The following RORA variants were observed in gnomAD, a reference collection of about 807,000 sequenced individuals.
RORA encodes nuclear receptor ROR-alpha.
A neutral mutation model predicts 69.5 loss-of-function variants in RORA; 7 were observed. That is an observed-to-expected ratio of 0.10 (90% CI 0.06 to 0.19). The LOEUF is 0.19. Ranked by LOEUF, RORA falls within the 10% of genes least tolerant of loss-of-function variation. The pLI, the probability that RORA is intolerant of heterozygous loss-of-function variation, is 1.00. For missense variants in RORA, 457 were observed against 663.0 expected (o/e 0.69, Z 3.41); for synonymous variants, 261 against 240.8 (o/e 1.08, Z -0.78).
In RORA at chr15:60,810,273, T is replaced by C. The variant is rs564963244; in HGVS notation, c.167-131587A>G. ...CTGGAAACAATTTTCCTTTGGGACT[T>C]TGAAAACCTTGCTTCATCACCCTCT... On this transcript the variant is annotated intron_variant, in intron 1 of 10. Transcript: ENST00000335670. 5.3e-5 allele frequency among the ~76,000 whole-genome samples: 8 copies of C among 152,334 alleles called. No individual in the cohort carries two copies. In the South Asian group the frequency reaches 1.7e-3, roughly 32 times the overall value.
At chr15:60,946,302 C>G (rs1290075463) in intron 1 of RORA, among the ~76,000 whole-genome samples, 1 of 152,206 alleles carries the variant, frequency 6.6e-6, no homozygotes, top group Non-Finnish European at 1.5e-5. Flanking sequence ...TTTCCAGGGT[C>G]TCCCTCTGAT....
chr15:61,128,914 G>A lies in RORA; in HGVS notation c.166+100139C>T, dbSNP rs952567999. ...TGGGACCCAAGAAGAGACACTGGCC[G>A]TGGCACCACGTGCCTGCCTTGGGCC... On this transcript the variant is annotated intron_variant, in intron 1 of 10. Coordinates refer to ENST00000335670, the MANE Select transcript of RORA (RefSeq NM_134261.3). This position sits in a 1 kb window ranked among gnomAD's most constrained non-coding sequence, Gnocchi z 4.5. Among the ~76,000 whole-genome samples, 3 of 152,216 alleles carry A rather than the reference G, an allele frequency of 2.0e-5. No homozygotes were observed. Among genetic ancestry groups the A allele is most frequent in the Non-Finnish European group, 4.4e-5 (3 of 68,040 alleles).
intron 1 of RORA, among the ~76,000 whole-genome samples, chr15:60,685,466 T>A (rs949161979): frequency 6.6e-6 from 1 of 152,230 alleles, no homozygotes; most frequent in South Asian, 2.1e-4. Context: ...GCTGGCCTTA[T>A]GTCCCCCTCC....
At position 60,950,336 on chromosome 15, in the gene RORA, G is replaced by T. The variant is rs1893049962; in HGVS notation, c.167-271650C>A. 2.2e-5 allele frequency among the ~76,000 whole-genome samples: 3 copies of T among 134,378 alleles called. No homozygotes were observed. In the South Asian group the frequency reaches 8.8e-4, roughly 39 times the overall value. 88.2% of individuals were successfully genotyped at this position (134,378 alleles called of 152,430 possible). The stretch of plus-strand genomic sequence containing the variant: ...CCGGTACCAGCCGCTGCAAAATCAT[G>T]CCAAAATGTAAAGACCATCGAGACT... On this transcript the variant is annotated intron_variant, in intron 1 of 10. Coordinates refer to ENST00000335670, the MANE Select transcript of RORA (RefSeq NM_134261.3).
At chr15:60,843,984 C>T (rs373038237) in intron 1 of RORA, among the ~76,000 whole-genome samples, 3 of 152,174 alleles carry the variant, frequency 2.0e-5, no homozygotes, top group South Asian at 2.1e-4. Context: ...CACACTTTCA[C>T]ATCTTCATTT....
chr15:60,584,346 T>C (rs548010597), intron 2 of RORA, among the ~76,000 whole-genome samples: 1 of 152,384 alleles, frequency 6.6e-6, no homozygotes, highest in Admixed American at 6.5e-5. Context: ...AAGCAAATCA[T>C]GTTCATCCAT....
intron 1 of RORA, among the ~76,000 whole-genome samples, chr15:61,185,065 A>G (rs1324300799): frequency 3.0e-4 from 46 of 151,366 alleles, no homozygotes; most frequent in Admixed American, 3.0e-3. Flanking sequence ...CCACCCAAGA[A>G]CTTATCAAGG....
chr15:60,497,707 T>C (rs1363991783), intron 10 of RORA, 88 bp from the exon 11 acceptor site: 2 of 1,080,168 alleles, frequency 1.9e-6, no homozygotes, highest in African/African-American at 3.1e-5. Flanking sequence ...TATGACATTG[T>C]TTATAATGGT....
intron 1 of RORA, among the ~76,000 whole-genome samples, chr15:60,967,081 A>T (rs1893573740): frequency 6.6e-6 from 1 of 152,220 alleles, no homozygotes; most frequent in South Asian, 2.1e-4. Flanking sequence ...GGGCATGGAG[A>T]TAGATTCTAA....
Position 60,511,908 on chromosome 15 carries a change from C to T in RORA, c.425-287G>A. The T allele has an allele frequency of 2.9e-6, 1 of 348,986 alleles. No homozygotes were observed. The highest frequency in any genetic ancestry group is 5.3e-6 in the Non-Finnish European group (1 of 189,732). 21.6% of individuals were successfully genotyped at this position (348,986 alleles called of 1,614,324 possible). On this transcript the variant is annotated intron_variant, in intron 4 of 10. Coordinates refer to ENST00000335670, the MANE Select transcript of RORA (RefSeq NM_134261.3). This position sits in a 1 kb window ranked among gnomAD's most constrained non-coding sequence, Gnocchi z 6.4. ...CACTTCTGTTTCCCTGCTGTCACATCCCCCGTTTCCACTGCGCCCCACTGA... is the reference window on the plus strand; with the variant it reads ...CACTTCTGTTTCCCTGCTGTCACATTCCCCGTTTCCACTGCGCCCCACTGA...
chr15:60,516,136 TTTA>T (rs1482347823), intron 3 of RORA, among the ~76,000 whole-genome samples: 2 of 70,128 alleles, frequency 2.9e-5, no homozygotes, highest in Non-Finnish European at 5.1e-5. Flanking sequence ...ATTAAATATA[TTTA>T]TATATATTTA....
chr15:60,656,993 A>C (rs566275374), intron 2 of RORA, among the ~76,000 whole-genome samples: 1 of 152,296 alleles, frequency 6.6e-6, no homozygotes, highest in Non-Finnish European at 1.5e-5. Flanking sequence ...GAATAGAAAG[A>C]CCACTGAAGA....
At chr15:60,554,812 G>A (rs2067314138) in intron 2 of RORA, among the ~76,000 whole-genome samples, 1 of 152,100 alleles carries the variant, frequency 6.6e-6, no homozygotes, top group African/African-American at 2.4e-5. Flanking sequence ...TTCACCCAAA[G>A]AGAAGAGAGA....
intron 2 of RORA, among the ~76,000 whole-genome samples, chr15:60,610,011 G>C (rs1361181460): frequency 1.3e-5 from 2 of 152,162 alleles, no homozygotes; most frequent in African/African-American, 2.4e-5. Flanking sequence ...TGCAGCTCGA[G>C]AGAGCCGTTT....
intron 1 of RORA, among the ~76,000 whole-genome samples, chr15:60,738,763 C>T (rs1039008382): frequency 2.0e-5 from 3 of 152,222 alleles, no homozygotes; most frequent in Non-Finnish European, 4.4e-5. Context: ...ACAGAGGAAG[C>T]GCATTGTCTT....
At chr15:60,929,591 C>G (rs1892316750) in intron 1 of RORA, among the ~76,000 whole-genome samples, 1 of 152,242 alleles carries the variant, frequency 6.6e-6, no homozygotes, top group South Asian at 2.1e-4. Context: ...ACTTAGCTGT[C>G]AGTCTGGAGG....
At position 60,834,373 on chromosome 15, in the gene RORA, G is replaced by A. The variant is rs150667056; in HGVS notation, c.167-155687C>T. 2.0e-3 allele frequency among the ~76,000 whole-genome samples: 303 copies of A among 152,218 alleles called. 1 individual carries two copies. Among genetic ancestry groups the A allele is most frequent in the African/African-American group, 7.0e-3 (292 of 41,526 alleles). On this transcript the variant is annotated intron_variant, in intron 1 of 10. Transcript: ENST00000335670. Reference sequence around the variant, plus strand: ...TCCAAGGTTAGTTCCTGTGAACAGCGGCACCACCCTTCTCAGCCTCAAGTC... The same window carrying A: ...TCCAAGGTTAGTTCCTGTGAACAGCAGCACCACCCTTCTCAGCCTCAAGTC...
At chr15:60,642,290 G>C (rs1199918165) in intron 2 of RORA, among the ~76,000 whole-genome samples, 1 of 152,162 alleles carries the variant, frequency 6.6e-6, no homozygotes, top group Non-Finnish European at 1.5e-5. Context: ...GGATGGTAGA[G>C]ACCTGATAGT....
intron 1 of RORA, among the ~76,000 whole-genome samples, chr15:61,095,289 G>T (rs2078772835): frequency 6.6e-6 from 1 of 152,138 alleles, no homozygotes; most frequent in Non-Finnish European, 1.5e-5. Flanking sequence ...GTAGTTTTTA[G>T]AAGTATTTTA....
Sources: allele counts gnomAD v4.1 joint callset (sites outside exome capture counted in the v4.1 genomes callset), GRCh38; gene constraint gnomAD v4.1.1; non-coding constraint Gnocchi (gnomAD v3.1); transcripts MANE v1.5; gene names NCBI Gene and HGNC (gene_info 2026-07-23, HGNC 2026-07-21).